TP63: variants seen among roughly 807,000 people sequenced by gnomAD.
TP63 encodes the protein tumor protein 63.
In TP63, 17 loss-of-function variants were observed where a neutral mutation model predicts 82.8. That is an observed-to-expected ratio of 0.21 (90% CI 0.14 to 0.31). The LOEUF (loss-of-function observed/expected upper bound fraction) is 0.31, where lower values mean the gene tolerates loss of function less well. Among genes scored for constraint, TP63 ranks in the 10% least tolerant of loss-of-function variants. The pLI is 1.00. For missense variants in TP63, 648 were observed against 895.3 expected, an observed-to-expected ratio of 0.72 and a Z score of 3.52; for synonymous variants, 330 against 321.7, an observed-to-expected ratio of 1.03 and a Z score of -0.28.
intron 1 of TP63, among the ~76,000 whole-genome samples, chr3:189,674,907 C>G (rs1364794602): frequency 6.6e-6 from 1 of 152,116 alleles, no homozygotes; most frequent in Non-Finnish European, 1.5e-5. Flanking sequence ...AGGTTTTCTT[C>G]ACTCTACTAA....
intron 1 of TP63, among the ~76,000 whole-genome samples, chr3:189,643,349 G>A (rs754875426): frequency 2.0e-5 from 3 of 151,866 alleles, no homozygotes; most frequent in African/African-American, 4.8e-5. Context: ...GGAAATAAAT[G>A]TTTCCATTAG....
At chr3:189,709,426 C>G (rs895330202) in intron 1 of TP63, among the ~76,000 whole-genome samples, 1 of 151,714 alleles carries the variant, frequency 6.6e-6, no homozygotes. Context: ...TGATTTTTTT[C>G]TTTTATTTTT....
the TP63 span, among the ~76,000 whole-genome samples, chr3:189,611,788 C>T: frequency 3.9e-5 from 6 of 152,138 alleles, no homozygotes; most frequent in Admixed American, 3.3e-4. Flanking sequence ...TTGTTTCTGT[C>T]ATCTCTGATT....
At chr3:189,843,309 C>T (rs1019031664) in intron 4 of TP63, among the ~76,000 whole-genome samples, 7 of 152,216 alleles carry the variant, frequency 4.6e-5, no homozygotes, top group African/African-American at 1.2e-4. Context: ...CTGGTCCTCA[C>T]GGTAAGTGAG....
chr3:189,812,875 A>G (rs1727726248), intron 4 of TP63, among the ~76,000 whole-genome samples: 1 of 152,154 alleles, frequency 6.6e-6, no homozygotes, highest in East Asian at 1.9e-4. Context: ...AATTTCAACT[A>G]ATGTTTTTTC....
intron 1 of TP63, among the ~76,000 whole-genome samples, chr3:189,683,342 C>G (rs1269993828): frequency 1.3e-5 from 2 of 152,090 alleles, no homozygotes; most frequent in African/African-American, 4.8e-5. Context: ...ATATGTTGCC[C>G]AAGGCTTATG....
rs200703504 is a variant in TP63, at chr3:189,866,816, A to G, written c.882+19A>G. 7 of 1,607,718 alleles carry G rather than the reference A, an allele frequency of 4.4e-6. No homozygotes were observed. The East Asian group carries it at 1.3e-4, about 31-fold the overall frequency. On this transcript the variant is annotated intron_variant, in intron 6 of 13. Transcript: ENST00000264731. ...ACCCCAGGTAAAAAGCAAAAAACCA[A>G]ACCAAAAAACAACACCTCTATGGAC...
chr3:189,846,611 G>GGTGTGTGT (rs71861936), intron 4 of TP63, among the ~76,000 whole-genome samples: 110 of 141,254 alleles, frequency 7.8e-4, no homozygotes, highest in African/African-American at 2.6e-3. Context: ...TGGCCAGTAG[G>GGTGTGTGT]GTGTGTGTGT....
chr3:189,606,816 C>T, the TP63 span, among the ~76,000 whole-genome samples: 7 of 152,038 alleles, frequency 4.6e-5, no homozygotes, highest in East Asian at 9.7e-4. Context: ...GGGCCAACCC[C>T]GCAATGATCT....
At position 189,825,904 on chromosome 3, in the gene TP63, A is replaced by T. The variant is rs1340044464; in HGVS notation, c.579+17378A>T. 7.2e-5 allele frequency among the ~76,000 whole-genome samples: 11 copies of T among 152,252 alleles called. No homozygotes were observed. In the South Asian group the frequency reaches 2.1e-3, roughly 29 times the overall value. ...CCAGTATTCAGAGTTTACAAGAAAG[A>T]TTGCTCTTCCCTGCAGCCTCTCCAC... On this transcript the variant is annotated intron_variant, in intron 4 of 13. Coordinates refer to ENST00000264731, the MANE Select transcript of TP63 (RefSeq NM_003722.5).
At chr3:189,610,161 G>T in the TP63 span, among the ~76,000 whole-genome samples, 14 of 152,038 alleles carry the variant, frequency 9.2e-5, no homozygotes, top group Admixed American at 8.5e-4. Context: ...CTTGTTGACT[G>T]CATGTATGTC....
intron 5 of TP63, 123 bp downstream of exon 5, chr3:189,864,541 CTTTTTTTTTT>C (rs10714778): frequency 4.9e-4 from 105 of 215,402 alleles, no homozygotes; most frequent in South Asian, 7.6e-4. Flanking sequence ...ATCAGTCTGC[CTTTTTTTTTT>C]TTTTTTTTTT....
intron 1 of TP63, among the ~76,000 whole-genome samples, chr3:189,694,182 T>C (rs1717162630): frequency 6.6e-6 from 1 of 152,178 alleles, no homozygotes; most frequent in South Asian, 2.1e-4. Context: ...AAGCTTTTAA[T>C]CTTAGAACAG....
At chr3:189,785,610 A>G (rs1443800988) in intron 3 of TP63, among the ~76,000 whole-genome samples, 3 of 152,030 alleles carry the variant, frequency 2.0e-5, no homozygotes, top group African/African-American at 7.2e-5. Context: ...AAACTGAGGG[A>G]CCGGAATGAA....
chr3:189,755,342 C>T (rs1032342583), intron 3 of TP63, among the ~76,000 whole-genome samples: 17 of 152,070 alleles, frequency 1.1e-4, no homozygotes, highest in Non-Finnish European at 2.5e-4. Context: ...ATACAACCAA[C>T]ATAACTTTAG....
intron 1 of TP63, among the ~76,000 whole-genome samples, chr3:189,720,183 C>G (rs1400868100): frequency 6.6e-6 from 1 of 152,100 alleles, no homozygotes; most frequent in African/African-American, 2.4e-5. Flanking sequence ...AGCATCATTG[C>G]TAAATTTGTT....
At chr3:189,808,190 C>T in intron 3 of TP63, 82 bp from the exon 4 acceptor site, 2 of 1,610,386 alleles carry the variant, frequency 1.2e-6, no homozygotes, top group Non-Finnish European at 1.7e-6. Flanking sequence ...CTGTAGAATG[C>T]ATTCACCCAT....
At chr3:189,775,008 G>A (rs1241055349) in intron 3 of TP63, among the ~76,000 whole-genome samples, 1 of 152,060 alleles carries the variant, frequency 6.6e-6, no homozygotes, top group Non-Finnish European at 1.5e-5. Context: ...ACGAGTTCAG[G>A]AGTTTGAGAC....
At chr3:189,705,374 T>A (rs187017971) in intron 1 of TP63, among the ~76,000 whole-genome samples, 7 of 152,242 alleles carry the variant, frequency 4.6e-5, no homozygotes, top group Non-Finnish European at 1.0e-4. Context: ...TAGTAAGTAA[T>A]GAGTAACTTT....
Sources: gnomAD v4.1 joint callset for allele counts (sites outside exome capture counted in the v4.1 genomes callset) on GRCh38, gnomAD v4.1.1 for gene constraint, MANE v1.5 for transcripts, NCBI Gene and HGNC (gene_info 2026-07-23, HGNC 2026-07-21) for gene names.